IL1RAPL1: variants seen among roughly 807,000 people sequenced by gnomAD.
The protein encoded by IL1RAPL1 is interleukin 1 receptor accessory protein like 1.
In IL1RAPL1, 3 loss-of-function variants were observed where a neutral mutation model predicts 48.4. The observed-to-expected ratio is 0.06, with a 90% CI of 0.03 to 0.16. The LOEUF (loss-of-function observed/expected upper bound fraction) is 0.16, where lower values mean the gene tolerates loss of function less well. Among genes scored for constraint, IL1RAPL1 ranks in the 10% least tolerant of loss-of-function variants. The probability of loss-of-function intolerance (pLI) is 1.00; values close to 1 mark genes in which losing one functional copy is unlikely to be tolerated. For synonymous variants in IL1RAPL1, 185 were observed against 187.7 expected (o/e 0.99, Z 0.12); for missense variants, 349 against 530.6 (o/e 0.66, Z 3.36).
At chrX:29,700,649 G>A (rs1460447968) in intron 6 of IL1RAPL1, among the ~76,000 whole-genome samples, 1 of 111,331 alleles carries the variant, frequency 9.0e-6, no homozygotes, top group African/African-American at 3.3e-5. Flanking sequence ...AGCTCTGCCG[G>A]AAGCTTATAT....
chrX:29,549,574 G>T (rs1308219552), intron 5 of IL1RAPL1, among the ~76,000 whole-genome samples: 1 of 111,709 alleles, frequency 9.0e-6, no homozygotes. Flanking sequence ...GGCATTGACT[G>T]GGGGTCTTGG....
chrX:29,897,978 A>G (rs1932418710), intron 6 of IL1RAPL1, among the ~76,000 whole-genome samples: 1 of 111,813 alleles, frequency 8.9e-6, no homozygotes, highest in Non-Finnish European at 1.9e-5. Flanking sequence ...CCTAAATTAT[A>G]AAAGCAATAT....
chrX:29,747,137 A>G lies in IL1RAPL1; in HGVS notation c.778+78633A>G, dbSNP rs370329730. 2.7e-5 allele frequency among the ~76,000 whole-genome samples: 3 copies of G among 111,913 alleles called. No individual in the cohort carries two copies. In the East Asian group the frequency reaches 8.4e-4, roughly 31 times the overall value. On this transcript the variant is annotated intron_variant, in intron 6 of 10. Coordinates refer to ENST00000378993, the MANE Select transcript of IL1RAPL1 (RefSeq NM_014271.4). Reference sequence around the variant, plus strand: ...GAACCCACTGGATAATCAAGCACATAATATTGGCTTTAATTATGTAGCTGT... The same window carrying G: ...GAACCCACTGGATAATCAAGCACATGATATTGGCTTTAATTATGTAGCTGT...
At chrX:29,312,373 C>T (rs1248193958) in intron 3 of IL1RAPL1, among the ~76,000 whole-genome samples, 2 of 110,398 alleles carry the variant, frequency 1.8e-5, no homozygotes, top group African/African-American at 3.3e-5. Flanking sequence ...TGCAGTCAGC[C>T]GAGATCGTAC....
rs765648781 is a variant in IL1RAPL1, at chrX:29,946,736, G to A, written c.1201+4942G>A. The stretch of plus-strand genomic sequence containing the variant: ...AAGGCAAATGTGGCAATACTCCAGT[G>A]GTAGGATTGAACTCACCTTCTGTTG... On this transcript the variant is annotated intron_variant, in intron 9 of 10. Transcript: ENST00000378993. 3.6e-5 allele frequency among the ~76,000 whole-genome samples: 4 copies of A among 111,821 alleles called. No individual in the cohort carries two copies. In the South Asian group the frequency reaches 1.1e-3, roughly 31 times the overall value.
At chrX:28,921,393 G>A (rs1007499966) in intron 2 of IL1RAPL1, among the ~76,000 whole-genome samples, 2 of 112,085 alleles carry the variant, frequency 1.8e-5, no homozygotes, top group Non-Finnish European at 3.8e-5. Flanking sequence ...ACTCTGTGTG[G>A]AGGCATTTTA....
intron 3 of IL1RAPL1, among the ~76,000 whole-genome samples, chrX:29,347,564 T>A (rs5927344): frequency 0.43 from 45,441 of 104,587 alleles, 8,071 homozygotes; most frequent in Middle Eastern, 0.56. Flanking sequence ...ATTTTTAAAA[T>A]TTTTTTGTAG....
At chrX:29,429,171 A>G (rs963524120) in intron 5 of IL1RAPL1, among the ~76,000 whole-genome samples, 2 of 111,901 alleles carry the variant, frequency 1.8e-5, no homozygotes, top group African/African-American at 3.3e-5. Flanking sequence ...ACACACAGGA[A>G]TTATCTGGAG....
At chrX:28,995,376 A>G (rs1925703781) in intron 2 of IL1RAPL1, among the ~76,000 whole-genome samples, 1 of 110,752 alleles carries the variant, frequency 9.0e-6, no homozygotes, top group Non-Finnish European at 1.9e-5. Flanking sequence ...AGCGCTAGGG[A>G]GAGGAACAAT....
At chrX:29,433,700 T>C (rs1216925861) in intron 5 of IL1RAPL1, among the ~76,000 whole-genome samples, 1 of 111,667 alleles carries the variant, frequency 9.0e-6, no homozygotes, top group Non-Finnish European at 1.9e-5. Flanking sequence ...AAAGTAAGTC[T>C]TCACTATTGT....
intron 1 of IL1RAPL1, among the ~76,000 whole-genome samples, chrX:28,666,444 T>G (rs1215135014): frequency 8.9e-6 from 1 of 111,905 alleles, no homozygotes; most frequent in Non-Finnish European, 1.9e-5. Flanking sequence ...AGAAGAAAGA[T>G]GAATTGCATT....
At chrX:28,788,815 C>T (rs5943548) in intron 1 of IL1RAPL1, among the ~76,000 whole-genome samples, 266 of 109,578 alleles carry the variant, frequency 2.4e-3, no homozygotes, top group Non-Finnish European at 3.6e-3. Context: ...AATTATCTTA[C>T]AATATCTTTT....
chrX:28,950,660 T>C (rs953798750), intron 2 of IL1RAPL1, among the ~76,000 whole-genome samples: 3 of 109,151 alleles, frequency 2.7e-5, no homozygotes, highest in African/African-American at 6.7e-5. Flanking sequence ...CTTCACACTT[T>C]TACACTGTTG....
chrX:28,985,250 G>T (rs1925437859), intron 2 of IL1RAPL1, among the ~76,000 whole-genome samples: 1 of 111,469 alleles, frequency 9.0e-6, no homozygotes, highest in Admixed American at 9.5e-5. Context: ...GGTGGTCCTT[G>T]CCCATATAGA....
In IL1RAPL1 at chrX:29,727,274, G is replaced by A. The variant is rs1016185128; in HGVS notation, c.778+58770G>A. On this transcript the variant is annotated intron_variant, in intron 6 of 10. Transcript: ENST00000378993. ...CAATGCTTGCCTGACTTTCCATCGG[G>A]GGAAATGTTACTTTCAGCATATTCT... 3.6e-5 allele frequency among the ~76,000 whole-genome samples: 4 copies of A among 111,878 alleles called. 1 individual carries two copies. The highest frequency in any genetic ancestry group is 1.9e-4 in the Admixed American group (2 of 10,558).
chrX:28,743,410 G>C (rs1478758074), intron 1 of IL1RAPL1, among the ~76,000 whole-genome samples: 1 of 111,539 alleles, frequency 9.0e-6, no homozygotes, highest in African/African-American at 3.3e-5. Context: ...AATATTTGTT[G>C]TTTGAAGTCA....
At chrX:29,018,700 T>A (rs1926295866) in intron 2 of IL1RAPL1, among the ~76,000 whole-genome samples, 1 of 111,799 alleles carries the variant, frequency 8.9e-6, no homozygotes, top group African/African-American at 3.2e-5. Flanking sequence ...TGTCACAGCA[T>A]ATATTAGGAG....
At chrX:28,641,440 A>G (rs902067791) in intron 1 of IL1RAPL1, among the ~76,000 whole-genome samples, 1 of 111,414 alleles carries the variant, frequency 9.0e-6, no homozygotes, top group Non-Finnish European at 1.9e-5. Flanking sequence ...TGTATGTGCC[A>G]CAGTTTCTTT....
chrX:29,684,096 A>G (rs948598443), intron 6 of IL1RAPL1, among the ~76,000 whole-genome samples: 2 of 112,365 alleles, frequency 1.8e-5, no homozygotes, highest in Non-Finnish European at 3.8e-5. Context: ...TGCTGTATCA[A>G]AACATCTCAT....
Sources: gnomAD v4.1 joint callset for allele counts (sites outside exome capture counted in the v4.1 genomes callset) on GRCh38, gnomAD v4.1.1 for gene constraint, MANE v1.5 for transcripts, NCBI Gene and HGNC (gene_info 2026-07-23, HGNC 2026-07-21) for gene names.